Variants in FAM149A observed in about 807,000 individuals in gnomAD.
FAM149A encodes family with sequence similarity 149 member A, also known as protein FAM149A.
Under a neutral mutation model 78.2 loss-of-function variants are expected in FAM149A, and 71 were observed. The observed-to-expected ratio is 0.91, with a 90% CI of 0.75 to 1.11. The LOEUF is 1.11. Among genes scored for constraint, FAM149A ranks in the 50% least tolerant of loss-of-function variants. FAM149A has a pLI of 0.00. For synonymous variants in FAM149A, 446 were observed against 410.5 expected, an observed-to-expected ratio of 1.09 and a Z score of -1.04; for missense variants, 1,036 against 971.0, an observed-to-expected ratio of 1.07 and a Z score of -0.89.
intron 1 of FAM149A, among the ~76,000 whole-genome samples, chr4:186,124,467 T>A (rs1384937754): frequency 2.1e-5 from 3 of 142,130 alleles, no homozygotes; most frequent in Non-Finnish European, 3.1e-5. Context: ...CCTGTGTCCA[T>A]GTGTTCTCAT....
intron 13 of FAM149A, among the ~76,000 whole-genome samples, chr4:186,169,029 C>T (rs1735308407): frequency 6.6e-6 from 1 of 152,026 alleles, no homozygotes; most frequent in African/African-American, 2.4e-5. Context: ...GAAATTCTGA[C>T]GAGTTCACTT....
chr4:186,116,859 T>G (rs72708987), intron 1 of FAM149A: 1 of 641,278 alleles, frequency 1.6e-6, no homozygotes, highest in Non-Finnish European at 1.9e-6. Flanking sequence ...TGTGCCAAGC[T>G]CATAATGATA....
At position 186,165,372 on chromosome 4, in the gene FAM149A, C is replaced by A. The variant is rs754119973; in HGVS notation, c.1918C>A (p.Pro640Thr). 1 of 1,614,178 alleles carries A rather than the reference C, an allele frequency of 6.2e-7. No individual in the cohort carries two copies. The highest frequency in any genetic ancestry group is 2.2e-5 in the East Asian group (1 of 44,876). ...GACTGGCGTGGACCACATGGCTTCCCCACTGGTTCAAACGTCACGGAGCAG... is the reference window on the plus strand; with the variant it reads ...GACTGGCGTGGACCACATGGCTTCCACACTGGTTCAAACGTCACGGAGCAG... The change falls in exon 11 of 14, where the codon CCA (proline) becomes ACA (threonine). Residue 640 changes from proline to threonine, a missense_variant. Physicochemically the swap from Pro to Thr is conservative, Grantham distance 38 (BLOSUM62 -1). Coordinates refer to ENST00000389354, the MANE Select transcript of FAM149A (RefSeq NM_001367768.3).
chr4:186,172,274 G>A lies in FAM149A; in HGVS notation c.*287G>A, dbSNP rs574717546. The A allele has an allele frequency of 1.6e-4, 50 of 314,698 alleles. 1 individual carries two copies. The South Asian group carries it at 2.8e-3, about 17-fold the overall frequency. 19.5% of individuals were successfully genotyped at this position (314,698 alleles called of 1,614,324 possible). On this transcript the variant is annotated 3_prime_UTR_variant, in exon 14 of 14. Transcript: ENST00000389354. Reference sequence around the variant, plus strand: ...CAGTCCGTCATTTTATCAATGATACGCAAACATAATTAGCATGTGTATGTA... The same window carrying A: ...CAGTCCGTCATTTTATCAATGATACACAAACATAATTAGCATGTGTATGTA...
chr4:186,135,392 A>G (rs2099322278), intron 1 of FAM149A, among the ~76,000 whole-genome samples: 1 of 152,156 alleles, frequency 6.6e-6, no homozygotes, highest in African/African-American at 2.4e-5. Flanking sequence ...GGTAGAGGTA[A>G]TAATCAGTTC....
chr4:186,125,350 C>A (rs997184749), intron 1 of FAM149A: 11 of 984,620 alleles, frequency 1.1e-5, no homozygotes, highest in South Asian at 4.7e-5. Flanking sequence ...GCCTGCTACA[C>A]CCACATCCCC....
chr4:186,128,295 C>G (rs1404028145), intron 1 of FAM149A, among the ~76,000 whole-genome samples: 1 of 152,024 alleles, frequency 6.6e-6, no homozygotes, highest in East Asian at 1.9e-4. Context: ...GGCCAATATT[C>G]TGTTTTTTAA....
intron 1 of FAM149A, chr4:186,132,166 T>C (rs2099321006): frequency 1.0e-6 from 1 of 985,332 alleles, no homozygotes; most frequent in African/African-American, 1.7e-5. Flanking sequence ...CCAGTTTATG[T>C]CACTTTTAAT....
intron 8 of FAM149A, chr4:186,160,977 T>A (rs1734559790): frequency 2.9e-6 from 2 of 679,608 alleles, no homozygotes; most frequent in African/African-American, 3.9e-5. Context: ...TTAAAGGAGA[T>A]AAAACATTTT....
In FAM149A at chr4:186,105,504, A is replaced by T. The variant is rs375792327; in HGVS notation, c.428A>T (p.Asn143Ile). The T allele has an allele frequency of 7.6e-5, 90 of 1,182,330 alleles. 2 individuals carry two copies. The East Asian group carries it at 6.2e-3, about 81-fold the overall frequency. 73.2% of individuals were successfully genotyped at this position (1,182,330 alleles called of 1,614,324 possible). The stretch of plus-strand genomic sequence containing the variant: ...GGGGTCTGGGCCGCGCTCCCCAGGA[A>T]CCCGCTCCAGCCTGGCCCCGGAGAG... Residue 143 changes from asparagine to isoleucine, a missense_variant, in exon 1 of 14, where the codon AAC becomes ATC. Transcript: ENST00000389354.
At chr4:186,134,712 A>AG (rs1444115290) in intron 1 of FAM149A, among the ~76,000 whole-genome samples, 13 of 152,174 alleles carry the variant, frequency 8.5e-5, no homozygotes, top group Admixed American at 8.5e-4. Context: ...AAAGCTGTTG[A>AG]GGGAAAGCCT....
At chr4:186,113,825 A>G (rs912187660) in intron 1 of FAM149A, among the ~76,000 whole-genome samples, 2 of 151,020 alleles carry the variant, frequency 1.3e-5, no homozygotes, top group South Asian at 2.1e-4. Flanking sequence ...TATGTGGTCA[A>G]TTTTGGAATA....
rs1180299218 is a variant in FAM149A at position 186,144,318 on chromosome 4, G to A, written c.567-4855G>A. The stretch of plus-strand genomic sequence containing the variant: ...GCTCGGGGTGTGCAGGAGATGCACC[G>A]GCTTGTGTGAGCCGGTAGGGCAGGA... On this transcript the variant is annotated intron_variant, in intron 1 of 13. Transcript: ENST00000389354. This position sits in a 1 kb window ranked among gnomAD's most constrained non-coding sequence, Gnocchi z 4.2. 1 of 152,176 alleles carries A rather than the reference G, an allele frequency of 6.6e-6. No homozygotes were observed. The highest frequency in any genetic ancestry group is 1.5e-5 in the Non-Finnish European group (1 of 68,096). The allele number at this position is 152,176 out of a possible 1,614,324, so 9.4% of individuals were successfully genotyped here. A position where few individuals can be genotyped will look rare whatever the true frequency, so the allele number is the denominator to read the frequency against.
intron 8 of FAM149A, 71 bp from the exon 9 acceptor site, chr4:186,162,774 C>T (rs1734705477): frequency 1.3e-6 from 1 of 783,900 alleles, no homozygotes; most frequent in Non-Finnish European, 2.1e-6. Flanking sequence ...TTCGGACAAG[C>T]ATCAGTCATT....
At chr4:186,150,391 TGCTTTC>T (rs1194893002) in intron 3 of FAM149A, among the ~76,000 whole-genome samples, 12 of 75,016 alleles carry the variant, frequency 1.6e-4, no homozygotes, top group African/African-American at 1.2e-3. Context: ...TTTGCTTGCT[TGCTTTC>T]TCTCTCTCTC....
At chr4:186,126,072 C>A in intron 1 of FAM149A, 1 of 985,412 alleles carries the variant, frequency 1.0e-6, no homozygotes, top group East Asian at 1.1e-4. Flanking sequence ...CCTGTGGGAT[C>A]TGGACGCTTG....
chr4:186,145,111 G>T (rs1473123959), intron 1 of FAM149A: 1 of 985,556 alleles, frequency 1.0e-6, no homozygotes, highest in Non-Finnish European at 1.2e-6. Flanking sequence ...GATCGTAATC[G>T]GGTGAGTCTC....
At position 186,154,609 on chromosome 4, in the gene FAM149A, G is replaced by A; in HGVS notation, c.1200G>A (p.Glu400=). Residue 400 remains glutamate (E), a synonymous_variant, in exon 6 of 14, where the codon GAG becomes GAA. Transcript: ENST00000389354. Reference sequence around the variant, plus strand: ...TTTACCATGTGGATGGAAAGATTGAGGAGTATTTCGCTTTTGACAGAAAAG... The same window carrying A: ...TTTACCATGTGGATGGAAAGATTGAAGAGTATTTCGCTTTTGACAGAAAAG... 6.2e-7 allele frequency: 1 copy of A among 1,613,996 alleles called. No individual in the cohort carries two copies. Among genetic ancestry groups the A allele is most frequent in the Non-Finnish European group, 8.5e-7 (1 of 1,179,966 alleles).
chr4:186,108,237 T>C (rs1252343342), intron 1 of FAM149A, among the ~76,000 whole-genome samples: 1 of 139,488 alleles, frequency 7.2e-6, no homozygotes, highest in East Asian at 2.7e-4. Flanking sequence ...AGAAAAAGTT[T>C]AAAGAGTGAT....
Sources: allele counts gnomAD v4.1 joint callset (sites outside exome capture counted in the v4.1 genomes callset), GRCh38; gene constraint gnomAD v4.1.1; non-coding constraint Gnocchi (gnomAD v3.1); transcripts MANE v1.5; gene names NCBI Gene and HGNC (gene_info 2026-07-23, HGNC 2026-07-21).